Variants in DMRT1 observed in about 807,000 individuals in gnomAD.
The protein encoded by DMRT1 is doublesex and mab-3 related transcription factor 1.
DMRT1 carries 7 observed loss-of-function variants against 32.3 expected under a neutral mutation model. The observed-to-expected ratio is 0.22, with a 90% CI of 0.12 to 0.41. DMRT1 has a LOEUF of 0.41. DMRT1 is among the 10% of genes least tolerant of loss of function. The pLI is 1.00. For missense variants in DMRT1, 625 were observed against 500.5 expected, an observed-to-expected ratio of 1.25 and a Z score of -2.37; for synonymous variants, 278 against 206.1, an observed-to-expected ratio of 1.35 and a Z score of -2.99.
At chr9:843,337 T>C (rs1163543585) in intron 1 of DMRT1, among the ~76,000 whole-genome samples, 1 of 152,230 alleles carries the variant, frequency 6.6e-6, no homozygotes, top group East Asian at 1.9e-4. Flanking sequence ...GCTTTTTGTC[T>C]TCGCCCTCCG....
At chr9:868,555 T>C (rs1816091056) in intron 2 of DMRT1, among the ~76,000 whole-genome samples, 2 of 152,236 alleles carry the variant, frequency 1.3e-5, no homozygotes, top group African/African-American at 4.8e-5. Context: ...TTTCTTTGTG[T>C]GCTGGGCACC....
At chr9:941,746 A>G (rs1819081146) in intron 4 of DMRT1, among the ~76,000 whole-genome samples, 2 of 152,220 alleles carry the variant, frequency 1.3e-5, no homozygotes, top group Admixed American at 6.5e-5. Flanking sequence ...AGAAAAAAGT[A>G]TGGACATTTT....
chr9:926,748 T>C (rs2129831750), intron 4 of DMRT1, among the ~76,000 whole-genome samples: 1 of 152,110 alleles, frequency 6.6e-6, no homozygotes, highest in Non-Finnish European at 1.5e-5. Flanking sequence ...TAGGAATGCC[T>C]AAATGCTCTG....
At chr9:874,431 T>C (rs1248288376) in intron 2 of DMRT1, among the ~76,000 whole-genome samples, 6 of 152,228 alleles carry the variant, frequency 3.9e-5, no homozygotes, top group African/African-American at 1.4e-4. Flanking sequence ...CCTTTATTTG[T>C]TTCTGAACTT....
In DMRT1 at chr9:871,179, G is replaced by C. The variant is rs571280629; in HGVS notation, c.539-22733G>C. ...AGCCTGAGTAGCTGGGACTACAGGCGTGTGCACCACCATGCCCGGCTAATT... is the reference window on the plus strand; with the variant it reads ...AGCCTGAGTAGCTGGGACTACAGGCCTGTGCACCACCATGCCCGGCTAATT... On this transcript the variant is annotated intron_variant, in intron 2 of 4. Coordinates refer to ENST00000382276, the MANE Select transcript of DMRT1 (RefSeq NM_021951.3). Among the ~76,000 whole-genome samples, 311 of 150,316 alleles carry C rather than the reference G, an allele frequency of 2.1e-3. 1 individual carries two copies. Among genetic ancestry groups the C allele is most frequent in the African/African-American group, 7.3e-3 (298 of 40,766 alleles).
At chr9:938,437 T>C (rs893448609) in intron 4 of DMRT1, among the ~76,000 whole-genome samples, 16 of 152,204 alleles carry the variant, frequency 1.1e-4, no homozygotes, top group African/African-American at 3.9e-4. Flanking sequence ...TTTATTTAGG[T>C]ATTTAATACT....
intron 4 of DMRT1, among the ~76,000 whole-genome samples, chr9:943,810 G>A (rs977714113): frequency 6.6e-6 from 1 of 152,114 alleles, no homozygotes. Flanking sequence ...AAGCACAATG[G>A]GAAAGAAGTT....
At chr9:911,314 G>T (rs1817967338) in intron 3 of DMRT1, among the ~76,000 whole-genome samples, 1 of 152,016 alleles carries the variant, frequency 6.6e-6, no homozygotes, top group African/African-American at 2.4e-5. Flanking sequence ...AGAACTACTG[G>T]TTTAAAGTAA....
chr9:853,714 A>C (rs1418636135), intron 2 of DMRT1, among the ~76,000 whole-genome samples: 1 of 152,106 alleles, frequency 6.6e-6, no homozygotes, highest in Admixed American at 6.6e-5. Flanking sequence ...CATGTTGGCC[A>C]GGTTGGTCTT....
chr9:846,484 T>C (rs888654349), intron 1 of DMRT1, among the ~76,000 whole-genome samples: 3 of 152,204 alleles, frequency 2.0e-5, no homozygotes, highest in African/African-American at 7.2e-5. Flanking sequence ...TGACCCACTC[T>C]ACTCTTCAGA....
At chr9:844,899 T>C (rs1284097922) in intron 1 of DMRT1, among the ~76,000 whole-genome samples, 3 of 152,080 alleles carry the variant, frequency 2.0e-5, no homozygotes, top group Admixed American at 2.0e-4. Context: ...TTTTGTATTT[T>C]TAGTTAGAGA....
intron 4 of DMRT1, among the ~76,000 whole-genome samples, chr9:966,042 C>T (rs4742604): frequency 6.6e-6 from 1 of 152,018 alleles, no homozygotes; most frequent in African/African-American, 2.4e-5. Flanking sequence ...CGCACGGACT[C>T]CAGGAAGCTC....
chr9:906,921 C>G (rs533578394), intron 3 of DMRT1, among the ~76,000 whole-genome samples: 3 of 152,280 alleles, frequency 2.0e-5, no homozygotes, highest in Non-Finnish European at 4.4e-5. Context: ...GTTATTTGAT[C>G]TCTCTGAGCA....
At chr9:911,252 C>T (rs559509582) in intron 3 of DMRT1, among the ~76,000 whole-genome samples, 8 of 152,180 alleles carry the variant, frequency 5.3e-5, no homozygotes, top group Admixed American at 1.3e-4. Context: ...CAATCAAAAG[C>T]GTCTCCAGAT....
chr9:924,523 G>A (rs577678041), intron 4 of DMRT1, among the ~76,000 whole-genome samples: 6 of 152,248 alleles, frequency 3.9e-5, no homozygotes, highest in Admixed American at 1.3e-4. Context: ...ACCTTTTACC[G>A]TGGCTTATGT....
intron 3 of DMRT1, among the ~76,000 whole-genome samples, chr9:904,873 C>T (rs936632234): frequency 2.1e-4 from 32 of 149,152 alleles, no homozygotes; most frequent in South Asian, 4.3e-4. Context: ...ACCAGGGAGG[C>T]GTAGGTTGCG....
In DMRT1 at chr9:967,908, G is replaced by A. The variant is rs1045932428; in HGVS notation, c.968-77G>A. On this transcript the variant is annotated intron_variant, in intron 4 of 4. Coordinates refer to ENST00000382276, the MANE Select transcript of DMRT1 (RefSeq NM_021951.3). ...CTTTGTTGTAACCTAATTGAATAAT[G>A]AATGTATAAAGACCAGCCACTTTTA... 6.7e-6 allele frequency: 9 copies of A among 1,339,232 alleles called. No homozygotes were observed. In the East Asian group the frequency reaches 1.9e-4, roughly 28 times the overall value. 83.0% of individuals were successfully genotyped at this position (1,339,232 alleles called of 1,614,324 possible). A position where few individuals can be genotyped will look rare whatever the true frequency, so the allele number is the denominator to read the frequency against.
intron 2 of DMRT1, among the ~76,000 whole-genome samples, chr9:861,434 C>G (rs1037748242): frequency 2.0e-5 from 3 of 152,232 alleles, no homozygotes; most frequent in African/African-American, 7.2e-5. Flanking sequence ...TTTCCTAGTA[C>G]AGAACAAAAT....
intron 2 of DMRT1, among the ~76,000 whole-genome samples, chr9:870,709 C>CTCTTTTTTTTTTTTTTTTTTTT (rs1816206857): frequency 2.9e-5 from 2 of 69,560 alleles, no homozygotes; most frequent in African/African-American, 1.3e-4. Flanking sequence ...ATTTTCTTGA[C>CTCTTTTTTTTTTTTTTTTTTTT]TTTTTTTTTT....
Sources: allele counts gnomAD v4.1 joint callset (sites outside exome capture counted in the v4.1 genomes callset), GRCh38; gene constraint gnomAD v4.1.1; transcripts MANE v1.5; gene names NCBI Gene and HGNC (gene_info 2026-07-23, HGNC 2026-07-21).